Variants in PLCB1 observed in about 807,000 individuals in gnomAD.
The protein encoded by PLCB1 is 1-phosphatidylinositol 4,5-bisphosphate phosphodiesterase beta-1.
In PLCB1, 46 loss-of-function variants were observed where a neutral mutation model predicts 161.8. The observed-to-expected ratio is 0.28, with a 90% CI of 0.22 to 0.36. PLCB1 has a LOEUF of 0.36. Ranked by LOEUF, PLCB1 falls within the 10% of genes least tolerant of loss-of-function variation. The pLI, the probability that PLCB1 is intolerant of heterozygous loss-of-function variation, is 1.00. For missense variants in PLCB1, 1,016 were observed against 1,472.5 expected, an observed-to-expected ratio of 0.69 and a Z score of 5.07; for synonymous variants, 517 against 503.7, an observed-to-expected ratio of 1.03 and a Z score of -0.35.
chr20:8,218,651 G>T (rs1018244101), intron 2 of PLCB1, among the ~76,000 whole-genome samples: 2 of 151,458 alleles, frequency 1.3e-5, no homozygotes, highest in Non-Finnish European at 2.9e-5. Flanking sequence ...ATAAAAATAG[G>T]CCCTTAGACA....
At chr20:8,560,909 C>T (rs942207613) in intron 3 of PLCB1, among the ~76,000 whole-genome samples, 4 of 151,914 alleles carry the variant, frequency 2.6e-5, no homozygotes, top group African/African-American at 9.7e-5. Flanking sequence ...CGGATTTTCT[C>T]CATGTTCACT....
At chr20:8,270,937 T>G (rs956249510) in intron 2 of PLCB1, among the ~76,000 whole-genome samples, 1 of 152,134 alleles carries the variant, frequency 6.6e-6, no homozygotes, top group African/African-American at 2.4e-5. Context: ...CCCCTTTTGC[T>G]GATAGAGCAA....
chr20:8,247,000 G>C lies in PLCB1; in HGVS notation c.177+96629G>C, dbSNP rs555375030. On this transcript the variant is annotated intron_variant, in intron 2 of 31. Transcript: ENST00000338037. ...TTTTCCACAGCAGCAGGTCTGTTTG[G>C]CTAGATAATCAAGGTATCAAAACTA... Among the ~76,000 whole-genome samples the C allele has an allele frequency of 6.7e-4, 102 of 151,970 alleles. 1 individual carries two copies. Among genetic ancestry groups the C allele is most frequent in the African/African-American group, 2.4e-3 (100 of 41,496 alleles).
rs1177022773 is a variant in PLCB1, at chr20:8,883,383, A to G, written c.*1534A>G. 6.6e-6 allele frequency: 1 copy of G among 152,094 alleles called. No homozygotes were observed. The highest frequency in any genetic ancestry group is 1.5e-5 in the Non-Finnish European group (1 of 67,992). The allele number at this position is 152,094 out of a possible 1,614,324, so 9.4% of individuals were successfully genotyped here. A position where few individuals can be genotyped will look rare whatever the true frequency, so the allele number is the denominator to read the frequency against. On this transcript the variant is annotated 3_prime_UTR_variant, in exon 32 of 32. Coordinates refer to ENST00000338037, the MANE Select transcript of PLCB1 (RefSeq NM_015192.4). ...TCAAGGTAAAACTGATCAAAAGCAT[A>G]ATTGAAAGTTCTGAAAAAAGAAAAA...
intron 2 of PLCB1, among the ~76,000 whole-genome samples, chr20:8,239,770 T>A (rs1464056861): frequency 6.6e-6 from 1 of 152,014 alleles, no homozygotes; most frequent in Non-Finnish European, 1.5e-5. Context: ...TAGAATTTTG[T>A]GATAGAATTG....
chr20:8,879,750 A>T (rs937458771), intron 31 of PLCB1, among the ~76,000 whole-genome samples: 3 of 152,180 alleles, frequency 2.0e-5, no homozygotes, highest in African/African-American at 7.2e-5. Flanking sequence ...ACTAAAGGGG[A>T]TGCTCCCAAG....
At position 8,884,165 on chromosome 20, in the gene PLCB1, A is replaced by G. The variant is rs941573449; in HGVS notation, c.*2316A>G. 1 of 152,550 alleles carries G rather than the reference A, an allele frequency of 6.6e-6. No individual in the cohort carries two copies. Among genetic ancestry groups the G allele is most frequent in the Non-Finnish European group, 1.5e-5 (1 of 68,028 alleles). 9.4% of individuals were successfully genotyped at this position (152,550 alleles called of 1,614,324 possible). ...GTAATCACATTTTTATATCTGTACA[A>G]TGACACTTTTTGCAGTTGTGGGGTA... On this transcript the variant is annotated 3_prime_UTR_variant, in exon 32 of 32. Transcript: ENST00000338037.
intron 4 of PLCB1, among the ~76,000 whole-genome samples, chr20:8,642,715 G>A (rs143444086): frequency 9.2e-5 from 14 of 152,282 alleles, no homozygotes; most frequent in Middle Eastern, 3.4e-3. Context: ...GAGATAAATA[G>A]TGAAACACAG....
chr20:8,348,366 T>A (rs1986064457), intron 2 of PLCB1, among the ~76,000 whole-genome samples: 1 of 152,152 alleles, frequency 6.6e-6, no homozygotes, highest in Non-Finnish European at 1.5e-5. Context: ...CTTCCCAAAG[T>A]CCCTTGCAGC....
At chr20:8,276,981 T>TTCTTCTTCC (rs1249402607) in intron 2 of PLCB1, among the ~76,000 whole-genome samples, 1 of 120,196 alleles carries the variant, frequency 8.3e-6, no homozygotes, top group African/African-American at 3.4e-5. Context: ...CTTCTTCTTC[T>TTCTTCTTCC]TCTTCTTATT....
chr20:8,334,476 A>G (rs1985494588), intron 2 of PLCB1, among the ~76,000 whole-genome samples: 1 of 152,252 alleles, frequency 6.6e-6, no homozygotes, highest in South Asian at 2.1e-4. Flanking sequence ...TGACAAAAAT[A>G]ACTTGTTAAC....
chr20:8,263,348 AGTTTTAATTG>A (rs1399543996), intron 2 of PLCB1, among the ~76,000 whole-genome samples: 2 of 152,200 alleles, frequency 1.3e-5, no homozygotes, highest in African/African-American at 4.8e-5. Context: ...CATCAATAAA[AGTTTTAATTG>A]GTTCAATATT....
chr20:8,277,503 A>G (rs911893864), intron 2 of PLCB1, among the ~76,000 whole-genome samples: 1 of 152,122 alleles, frequency 6.6e-6, no homozygotes, highest in African/African-American at 2.4e-5. Flanking sequence ...TATTTCTTAG[A>G]TATATAAATG....
Position 8,285,374 on chromosome 20 carries a change from G to C in PLCB1, c.178-86008G>C, listed in dbSNP as rs111784527. Among the ~76,000 whole-genome samples the C allele has an allele frequency of 1.6e-3, 240 of 151,740 alleles. 1 individual carries two copies. The highest frequency in any genetic ancestry group is 2.7e-3 in the Non-Finnish European group (185 of 67,902). ...TTCCTTTTCATATTTATTCAGAATT[G>C]AACATAGAGACTATGAAGTAGGCCA... is the stretch of plus-strand genomic sequence containing the variant. On this transcript the variant is annotated intron_variant, in intron 2 of 31. Transcript: ENST00000338037.
At chr20:8,213,165 G>A (rs1023746968) in intron 2 of PLCB1, among the ~76,000 whole-genome samples, 2 of 152,180 alleles carry the variant, frequency 1.3e-5, no homozygotes, top group South Asian at 4.1e-4. Flanking sequence ...TACCCTGAAG[G>A]CTAAAGTGGT....
intron 1 of PLCB1, among the ~76,000 whole-genome samples, chr20:8,135,738 A>G (rs2051338970): frequency 6.6e-6 from 1 of 152,178 alleles, no homozygotes; most frequent in South Asian, 2.1e-4. Context: ...GCATGAAGAT[A>G]AAGGACTGAC....
Position 8,685,013 on chromosome 20 carries a change from A to T in PLCB1, c.944A>T (p.Asn315Ile). ...GTTTCACCTGAGAAACTGGATTTGA[A>T]TGAAGACATGTCTCAGCCCCTTTCT... ...GVVSPEKLDL[N>I]EDMSQPLSHY... Residue 315 changes from asparagine (N) to isoleucine (I), a missense_variant, in exon 10 of 32, where the codon AAT (asparagine) becomes ATT (isoleucine). Around this residue, in one of 10 missense-constraint regions of PLCB1, gnomAD observed 117 missense variants for 142.2 expected, o/e 0.82. Coordinates refer to ENST00000338037, the MANE Select transcript of PLCB1 (RefSeq NM_015192.4). The T allele has an allele frequency of 1.2e-6, 2 of 1,613,708 alleles. No homozygotes were observed. Among genetic ancestry groups the T allele is most frequent in the South Asian group, 2.2e-5 (2 of 91,078 alleles).
chr20:8,644,672 C>G (rs1329937209), intron 4 of PLCB1, among the ~76,000 whole-genome samples: 1 of 151,372 alleles, frequency 6.6e-6, no homozygotes, highest in African/African-American at 2.4e-5. Context: ...GGAGCGTCTC[C>G]GCCCGGCAGC....
rs1424148412 is a variant in PLCB1, at chr20:8,259,346, G to A, written c.177+108975G>A. On this transcript the variant is annotated intron_variant, in intron 2 of 31. Transcript: ENST00000338037. ...TCTAAGTCTCTGCTGGCTGGGCATGGTGGGTAGTGCCTCTAATTAGAGCAC... is the reference window on the plus strand; with the variant it reads ...TCTAAGTCTCTGCTGGCTGGGCATGATGGGTAGTGCCTCTAATTAGAGCAC... Among the ~76,000 whole-genome samples the A allele has an allele frequency of 2.6e-5, 4 of 152,164 alleles. No homozygotes were observed. The East Asian group carries it at 7.7e-4, about 29-fold the overall frequency.
Sources: gnomAD v4.1 joint callset for allele counts (sites outside exome capture counted in the v4.1 genomes callset) on GRCh38, gnomAD v4.1.1 for gene constraint, gnomAD v4.1.1 regional missense constraint, MANE v1.5 for transcripts, NCBI Gene and HGNC (gene_info 2026-07-23, HGNC 2026-07-21) for gene names.